Variants in PTPRD observed in about 807,000 individuals in gnomAD.
PTPRD encodes receptor-type tyrosine-protein phosphatase delta.
In PTPRD, 34 loss-of-function variants were observed where a neutral mutation model predicts 214.5. The ratio of observed to expected loss-of-function variants is 0.16; its 90% CI spans 0.12 to 0.21. The LOEUF (loss-of-function observed/expected upper bound fraction) is 0.21, where lower values mean the gene tolerates loss of function less well. Ranked by LOEUF, PTPRD falls within the 10% of genes least tolerant of loss-of-function variation. The pLI, the probability that PTPRD is intolerant of heterozygous loss-of-function variation, is 1.00. For synonymous variants in PTPRD, 1,128 were observed against 845.7 expected (o/e 1.33, Z -5.79); for missense variants, 2,545 against 2,398.7 (o/e 1.06, Z -1.27).
At chr9:9,457,217 G>A (rs2093133791) in intron 8 of PTPRD, among the ~76,000 whole-genome samples, 1 of 151,868 alleles carries the variant, frequency 6.6e-6, no homozygotes, top group Admixed American at 6.6e-5. Flanking sequence ...TTAACATGAA[G>A]TTCCATTCTG....
intron 7 of PTPRD, among the ~76,000 whole-genome samples, chr9:9,718,278 AG>A (rs986108710): frequency 1.6e-4 from 25 of 152,358 alleles, no homozygotes; most frequent in African/African-American, 5.3e-4. Flanking sequence ...TCATGCTAGC[AG>A]GAGTTTCATG....
Position 9,243,425 on chromosome 9 carries a change from CA to C in PTPRD, c.-202-60063del, listed in dbSNP as rs562613870. ...TGGCAAACCGAATCCAGCAGCACAT[CA>C]AAAAGCTTATCCACCATAATCAAGT... On this transcript the variant is annotated intron_variant, in intron 9 of 45. Coordinates refer to ENST00000381196, the MANE Select transcript of PTPRD (RefSeq NM_002839.4). 6.7e-3 allele frequency among the ~76,000 whole-genome samples: 1,025 copies of C among 152,230 alleles called. 11 individuals are homozygous for C. Among genetic ancestry groups the C allele is most frequent in the African/African-American group, 0.023 (956 of 41,548 alleles).
chr9:10,099,037 G>C (rs188419274), intron 3 of PTPRD, among the ~76,000 whole-genome samples: 1 of 151,680 alleles, frequency 6.6e-6, no homozygotes, highest in South Asian at 2.1e-4. Context: ...TCTAAGCTGC[G>C]CTCAGTTACA....
chr9:10,273,071 G>C (rs1021075620), intron 3 of PTPRD, among the ~76,000 whole-genome samples: 1 of 152,120 alleles, frequency 6.6e-6, no homozygotes, highest in African/African-American at 2.4e-5. Context: ...GTATGCAGCT[G>C]TTTTCCTCTA....
intron 11 of PTPRD, among the ~76,000 whole-genome samples, chr9:9,007,728 TC>T (rs201948714): frequency 2.9e-5 from 3 of 102,726 alleles, no homozygotes; most frequent in Non-Finnish European, 2.3e-5. Context: ...GTTACTTGGA[TC>T]CTTTTTTTTT....
At chr9:9,339,447 C>T (rs1169321713) in intron 9 of PTPRD, among the ~76,000 whole-genome samples, 1 of 152,140 alleles carries the variant, frequency 6.6e-6, no homozygotes, top group Non-Finnish European at 1.5e-5. Flanking sequence ...GATCTCGCCA[C>T]TGCACTCCAG....
At chr9:9,295,302 C>G (rs1310614057) in intron 9 of PTPRD, among the ~76,000 whole-genome samples, 1 of 151,682 alleles carries the variant, frequency 6.6e-6, no homozygotes, top group African/African-American at 2.4e-5. Context: ...AGCAAATGTT[C>G]TAAAAACAAC....
chr9:8,534,782 G>A (rs538459922), intron 14 of PTPRD, among the ~76,000 whole-genome samples: 65 of 151,700 alleles, frequency 4.3e-4, no homozygotes, highest in African/African-American at 1.5e-3. Context: ...GAACTTTCTC[G>A]GAAAATTTAA....
intron 10 of PTPRD, among the ~76,000 whole-genome samples, chr9:9,155,475 C>T (rs2099880400): frequency 6.6e-6 from 1 of 152,018 alleles, no homozygotes; most frequent in Admixed American, 6.6e-5. Flanking sequence ...ACAAAGGTGG[C>T]ACATATTGGT....
At chr9:10,324,927 T>C (rs532838154) in intron 3 of PTPRD, among the ~76,000 whole-genome samples, 40 of 152,056 alleles carry the variant, frequency 2.6e-4, no homozygotes, top group Non-Finnish European at 4.9e-4. Flanking sequence ...CCAACACACA[T>C]ACCATCTTAA....
chr9:8,984,985 T>C (rs1486548496), intron 11 of PTPRD, among the ~76,000 whole-genome samples: 4 of 152,068 alleles, frequency 2.6e-5, no homozygotes, highest in African/African-American at 9.7e-5. Context: ...TTGAATCAAG[T>C]TGGAGGAAAA....
chr9:9,788,413 A>G (rs966943592), intron 5 of PTPRD, among the ~76,000 whole-genome samples: 6 of 151,640 alleles, frequency 4.0e-5, no homozygotes, highest in Non-Finnish European at 7.4e-5. Flanking sequence ...TTACCCGGGC[A>G]TGGTGGCAGG....
At chr9:8,424,309 T>C (rs2094529780) in intron 35 of PTPRD, among the ~76,000 whole-genome samples, 1 of 152,174 alleles carries the variant, frequency 6.6e-6, no homozygotes, top group Non-Finnish European at 1.5e-5. Flanking sequence ...CAACTATTTA[T>C]AGTGGTCAGA....
chr9:9,572,658 ATATG>A (rs914723291), intron 8 of PTPRD, among the ~76,000 whole-genome samples: 1 of 148,662 alleles, frequency 6.7e-6, no homozygotes, highest in Admixed American at 6.8e-5. Flanking sequence ...ACATAACCCG[ATATG>A]TATATTATGT....
chr9:9,429,135 A>G (rs983390419), intron 8 of PTPRD, among the ~76,000 whole-genome samples: 6 of 152,192 alleles, frequency 3.9e-5, no homozygotes, highest in Non-Finnish European at 8.8e-5. Flanking sequence ...GAAAAGATCA[A>G]TGAAATTGAT....
At chr9:8,987,173 T>C (rs1046299978) in intron 11 of PTPRD, among the ~76,000 whole-genome samples, 1 of 152,084 alleles carries the variant, frequency 6.6e-6, no homozygotes, top group Admixed American at 6.6e-5. Flanking sequence ...GAAAGATATT[T>C]ATTATATATT....
chr9:9,042,614 C>CTTTTTTTTTTTTTTT (rs775574124), intron 10 of PTPRD, among the ~76,000 whole-genome samples: 13 of 112,458 alleles, frequency 1.2e-4, no homozygotes, highest in African/African-American at 2.2e-4. Context: ...TCTTTTTTTT[C>CTTTTTTTTTTTTTTT]TTTTCTTTTT....
chr9:8,377,867 T>A (rs1021742641), intron 37 of PTPRD, among the ~76,000 whole-genome samples: 1 of 152,098 alleles, frequency 6.6e-6, no homozygotes, highest in Non-Finnish European at 1.5e-5. Context: ...ATTCTGTGAA[T>A]AATACTGTAA....
chr9:8,547,428 A>G (rs1320731343), intron 14 of PTPRD, among the ~76,000 whole-genome samples: 2 of 152,140 alleles, frequency 1.3e-5, no homozygotes, highest in Admixed American at 6.5e-5. Flanking sequence ...AGATTGCCTG[A>G]TCTCAGGAGT....
Sources: allele counts gnomAD v4.1 joint callset (sites outside exome capture counted in the v4.1 genomes callset), GRCh38; gene constraint gnomAD v4.1.1; transcripts MANE v1.5; gene names NCBI Gene and HGNC (gene_info 2026-07-23, HGNC 2026-07-21).